Variants in COL6A6 observed in about 807,000 individuals in gnomAD.
The protein encoded by COL6A6 is collagen type VI alpha 6 chain.
In COL6A6, 183 loss-of-function variants were observed where a neutral mutation model predicts 208.6. The observed-to-expected ratio is 0.88, with a 90% CI of 0.78 to 0.99. COL6A6 has a LOEUF of 0.99. Ranked by LOEUF, COL6A6 falls within the 50% of genes least tolerant of loss-of-function variation. COL6A6 has a pLI of 0.00. For synonymous variants in COL6A6, 973 were observed against 1,011.8 expected, an observed-to-expected ratio of 0.96 and a Z score of 0.73; for missense variants, 2,816 against 2,815.2, an observed-to-expected ratio of 1.00 and a Z score of -0.01.
intron 8 of COL6A6, among the ~76,000 whole-genome samples, chr3:130,577,518 C>G (rs1451261599): frequency 6.6e-6 from 1 of 152,218 alleles, no homozygotes. Context: ...CCTAAGGAAA[C>G]CACTTCCTGC....
chr3:130,560,282 T>G, intron 1 of COL6A6, 52 bp from the exon 2 acceptor site: 1 of 1,198,860 alleles, frequency 8.3e-7, no homozygotes, highest in Non-Finnish European at 1.2e-6. Flanking sequence ...TATGTGAGTC[T>G]TAATTCCCAA....
chr3:130,663,373 C>T (rs562211830), intron 35 of COL6A6, among the ~76,000 whole-genome samples: 202 of 152,218 alleles, frequency 1.3e-3, no homozygotes, highest in African/African-American at 4.8e-3. Context: ...TTATAAAGAT[C>T]CCCAGGTGAC....
At chr3:130,551,076 G>A (rs574433156) in intron 1 of COL6A6, among the ~76,000 whole-genome samples, 1 of 151,514 alleles carries the variant, frequency 6.6e-6, no homozygotes, top group South Asian at 2.1e-4. Context: ...GTATTTTGTT[G>A]ACAATTTTTA....
intron 1 of COL6A6, among the ~76,000 whole-genome samples, chr3:130,558,272 C>G (rs2062810165): frequency 6.6e-6 from 1 of 152,148 alleles, no homozygotes; most frequent in Admixed American, 6.5e-5. Flanking sequence ...TTCTCCCTAC[C>G]TCCCGAGCAT....
At chr3:130,585,447 A>C (rs1226432736) in intron 10 of COL6A6, among the ~76,000 whole-genome samples, 3 of 152,244 alleles carry the variant, frequency 2.0e-5, no homozygotes, top group African/African-American at 7.2e-5. Flanking sequence ...ATGCATGTAA[A>C]GCACTTAACC....
chr3:130,528,211 T>C lies in COL6A6; in HGVS notation c.-32+10814T>C, dbSNP rs181821909. ...GCAATGAAGACTTGGAGACGAGGAC[T>C]GAGCAGGAACAAGGAAAGAGGAACA... On this transcript the variant is annotated intron_variant, in intron 1 of 36. Transcript: ENST00000358511. 2.0e-3 allele frequency among the ~76,000 whole-genome samples: 301 copies of C among 152,268 alleles called. 2 individuals carry two copies. The highest frequency in any genetic ancestry group is 6.9e-3 in the African/African-American group (285 of 41,556).
Position 130,662,037 on chromosome 3 carries a change from C to T in COL6A6, c.6231C>T (p.Pro2077=), listed in dbSNP as rs1220086685. Reference sequence around the variant, plus strand: ...TGGACAATGTATTTTTAAGTACACCCAATCTGAGAAGAAACAAAGTCATAT... The same window carrying T: ...TGGACAATGTATTTTTAAGTACACCTAATCTGAGAAGAAACAAAGTCATAT... ...WTLDNVFLST[P]NLRRNKVIFV... Residue 2077 remains proline, a synonymous_variant, in exon 35 of 37, where the codon CCC becomes CCT. Coordinates refer to ENST00000358511, the MANE Select transcript of COL6A6 (RefSeq NM_001102608.3). 2 of 1,613,894 alleles carry T rather than the reference C, an allele frequency of 1.2e-6. No homozygotes were observed. Among genetic ancestry groups the T allele is most frequent in the Non-Finnish European group, 1.7e-6 (2 of 1,179,906 alleles).
chr3:130,643,701 C>G (rs979155389), intron 31 of COL6A6, among the ~76,000 whole-genome samples: 5 of 152,312 alleles, frequency 3.3e-5, no homozygotes, highest in African/African-American at 4.8e-5. Context: ...AGAGAGTTGA[C>G]TCTTCAGTGT....
chr3:130,571,479 TTTTCCAGAGAGGAGAG>T, intron 7 of COL6A6, 86 bp downstream of exon 7: 3 of 952,310 alleles, frequency 3.2e-6, no homozygotes, highest in Non-Finnish European at 3.1e-6. Flanking sequence ...CAGGAACAAG[TTTTCCAGAGAGGAGAG>T]AAGGAGCTCT....
intron 35 of COL6A6, among the ~76,000 whole-genome samples, chr3:130,663,885 T>G (rs1453836627): frequency 6.6e-6 from 1 of 152,216 alleles, no homozygotes; most frequent in African/African-American, 2.4e-5. Context: ...AAAATGTAAC[T>G]ATAAAAGTAC....
intron 11 of COL6A6, 73 bp from the exon 12 acceptor site, chr3:130,589,017 C>T (rs1432996551): frequency 8.9e-7 from 1 of 1,121,220 alleles, no homozygotes; most frequent in African/African-American, 1.5e-5. Context: ...GTCTGGATCG[C>T]ATGGTTGAAC....
intron 32 of COL6A6, 64 bp downstream of exon 32, chr3:130,645,066 T>C: frequency 1.3e-6 from 2 of 1,496,746 alleles, no homozygotes; most frequent in Non-Finnish European, 1.9e-6. Context: ...TCTGGAAAGA[T>C]GAGTTAGAGC....
At chr3:130,663,139 T>C (rs1363742104) in intron 35 of COL6A6, among the ~76,000 whole-genome samples, 1 of 152,188 alleles carries the variant, frequency 6.6e-6, no homozygotes, top group Non-Finnish European at 1.5e-5. Context: ...CAAATGTGCC[T>C]CTGATATTAC....
chr3:130,581,455 T>C, intron 8 of COL6A6, 106 bp from the exon 9 acceptor site: 1 of 807,664 alleles, frequency 1.2e-6, no homozygotes, highest in Admixed American at 2.8e-5. Flanking sequence ...GTGTTCCAAC[T>C]TTATAACTGA....
chr3:130,599,896 A>T (rs921841492), intron 20 of COL6A6, 86 bp downstream of exon 20: 2 of 1,276,144 alleles, frequency 1.6e-6, no homozygotes, highest in African/African-American at 2.9e-5. Flanking sequence ...AGTGGGTGGG[A>T]TGGTTCTGCT....
intron 1 of COL6A6, among the ~76,000 whole-genome samples, chr3:130,541,473 C>T (rs1251228042): frequency 6.6e-6 from 1 of 152,210 alleles, no homozygotes; most frequent in African/African-American, 2.4e-5. Flanking sequence ...TTTGTGTGGA[C>T]ATAAGTTTTC....
intron 20 of COL6A6, among the ~76,000 whole-genome samples, 195 bp downstream of exon 20, chr3:130,600,005 G>C (rs2063965424): frequency 6.6e-6 from 1 of 152,184 alleles, no homozygotes; most frequent in Non-Finnish European, 1.5e-5. Context: ...GGAAAGTGCT[G>C]ACTGCAGAGC....
chr3:130,654,961 G>A (rs1243018820), intron 33 of COL6A6, among the ~76,000 whole-genome samples: 2 of 152,128 alleles, frequency 1.3e-5, no homozygotes, highest in Admixed American at 6.5e-5. Flanking sequence ...ACTTCTGGGC[G>A]GGGCCACAGG....
intron 36 of COL6A6, among the ~76,000 whole-genome samples, chr3:130,672,763 C>A (rs1194687834): frequency 6.6e-6 from 1 of 151,432 alleles, no homozygotes; most frequent in Non-Finnish European, 1.5e-5. Context: ...GTAATCCCAG[C>A]ACTTTGGGAG....
Sources: allele counts gnomAD v4.1 joint callset (sites outside exome capture counted in the v4.1 genomes callset), GRCh38; gene constraint gnomAD v4.1.1; transcripts MANE v1.5; gene names NCBI Gene and HGNC (gene_info 2026-07-23, HGNC 2026-07-21).